Variants in ANK1 observed in about 807,000 individuals in gnomAD.
The protein encoded by ANK1 is ankyrin 1.
Under a neutral mutation model 210.4 loss-of-function variants are expected in ANK1, and 51 were observed. The ratio of observed to expected loss-of-function variants is 0.24; its 90% CI spans 0.19 to 0.31. The LOEUF is 0.31. Ranked by LOEUF, ANK1 falls within the 10% of genes least tolerant of loss-of-function variation. ANK1 has a pLI of 1.00. For synonymous variants in ANK1, 967 were observed against 1,025.9 expected, an observed-to-expected ratio of 0.94 and a Z score of 1.10; for missense variants, 2,051 against 2,504.4, an observed-to-expected ratio of 0.82 and a Z score of 3.86.
chr8:41,669,706 G>A (rs565084941), intron 38 of ANK1, among the ~76,000 whole-genome samples: 36 of 152,134 alleles, frequency 2.4e-4, no homozygotes, highest in Non-Finnish European at 5.3e-4. Context: ...AGATGCTTCT[G>A]AAATATGCCC....
chr8:41,714,007 T>C (rs1826899599), intron 16 of ANK1, 149 bp downstream of exon 16: 1 of 483,154 alleles, frequency 2.1e-6, no homozygotes, highest in Non-Finnish European at 3.3e-6. Flanking sequence ...GCAGGTAACA[T>C]GTGGGAAAGT....
At chr8:41,885,517 C>T (rs1470538550) in intron 1 of ANK1, among the ~76,000 whole-genome samples, 2 of 152,194 alleles carry the variant, frequency 1.3e-5, no homozygotes, top group African/African-American at 2.4e-5. Context: ...TGCTCCATGT[C>T]GGCGGACAGG....
At chr8:41,804,357 C>T (rs1215059805) in intron 1 of ANK1, among the ~76,000 whole-genome samples, 1 of 152,244 alleles carries the variant, frequency 6.6e-6, no homozygotes, top group Non-Finnish European at 1.5e-5. Flanking sequence ...CATATCATCA[C>T]TTCTGCCACA....
At chr8:41,753,422 C>T (rs1838283141) in intron 2 of ANK1, among the ~76,000 whole-genome samples, 1 of 152,116 alleles carries the variant, frequency 6.6e-6, no homozygotes, top group African/African-American at 2.4e-5. Flanking sequence ...CCCCCTCCCC[C>T]AGACCCCTTC....
rs78850893 is a variant in ANK1 at position 41,704,511 on chromosome 8, G to C, written c.2098-39C>G. 6,278 of 1,547,890 alleles carry C rather than the reference G, an allele frequency of 4.1e-3. 190 individuals are homozygous for C. The African/African-American group carries it at 0.069, about 17-fold the overall frequency. ...GAGAAGGAGTGACCGGAGCTGTCCT[G>C]AGCTGGGCATCACATGAAATCCTTC... is the stretch of plus-strand genomic sequence containing the variant. On this transcript the variant is annotated intron_variant, in intron 18 of 42. Transcript: ENST00000289734. This position sits in a 1 kb window ranked among gnomAD's most constrained non-coding sequence, Gnocchi z 4.1.
chr8:41,690,625 G>A, intron 31 of ANK1, 26 bp from the exon 32 acceptor site: 1 of 1,607,600 alleles, frequency 6.2e-7, no homozygotes, highest in Non-Finnish European at 8.5e-7. Context: ...AGCAGATACA[G>A]CTTGTCAGGG....
rs1052490600 is a variant in ANK1 at position 41,888,221 on chromosome 8, C to T, written c.126+8134G>A. ...AGGACTCACCATCTTCCTCCTAACC[C>T]GTCCCCCTCCTCTTTCCCAAGCTCA... On this transcript the variant is annotated intron_variant, in intron 1 of 42. Transcript: ENST00000265709. 2.6e-5 allele frequency among the ~76,000 whole-genome samples: 4 copies of T among 152,224 alleles called. 1 individual carries two copies. Among genetic ancestry groups the T allele is most frequent in the Admixed American group, 6.5e-5 (1 of 15,290 alleles).
At chr8:41,896,457 C>T (rs764476215) in exon 1 of ANK1, 1 of 1,604,888 alleles carries the variant, frequency 6.2e-7, no homozygotes, top group Admixed American at 1.7e-5. Context: ...TGATTTTCTT[C>T]AGCTGTTTGG....
chr8:41,719,271 C>T (rs935419115), intron 10 of ANK1, among the ~76,000 whole-genome samples: 3 of 152,194 alleles, frequency 2.0e-5, no homozygotes, highest in African/African-American at 7.2e-5. Context: ...CTGGCCATCT[C>T]ATTCATCCCC....
Position 41,787,040 on chromosome 8 carries a change from T to A in ANK1, c.27+10472A>T, listed in dbSNP as rs149575108. Among the ~76,000 whole-genome samples, 282 of 152,290 alleles carry A rather than the reference T, an allele frequency of 1.9e-3. 2 individuals are homozygous for A. The highest frequency in any genetic ancestry group is 6.5e-3 in the African/African-American group (269 of 41,560). ...ATTCATTTTTCCACTCCACATGTAT[T>A]TATTTAGTGCCAGAGACGTCCCAAA... On this transcript the variant is annotated intron_variant, in intron 1 of 42. Coordinates refer to ENST00000289734, the MANE Select transcript of ANK1 (RefSeq NM_000037.4).
At chr8:41,775,670 A>G (rs1843867889) in intron 1 of ANK1, among the ~76,000 whole-genome samples, 2 of 152,210 alleles carry the variant, frequency 1.3e-5, no homozygotes, top group South Asian at 2.1e-4. Context: ...ACTTGAGGCC[A>G]GGAATTTGAG....
At chr8:41,780,683 CAT>C (rs745863652) in intron 1 of ANK1, among the ~76,000 whole-genome samples, 7 of 152,226 alleles carry the variant, frequency 4.6e-5, no homozygotes, top group Non-Finnish European at 7.3e-5. Context: ...CATGTGTACA[CAT>C]GTGTGCATGC....
At chr8:41,826,590 T>G (rs1331938700) in intron 1 of ANK1, among the ~76,000 whole-genome samples, 1 of 152,224 alleles carries the variant, frequency 6.6e-6, no homozygotes, top group African/African-American at 2.4e-5. Flanking sequence ...CATTTTCTTT[T>G]CTAGTGATAA....
In ANK1 at chr8:41,845,795, C is replaced by T. The variant is rs57876744; in HGVS notation, c.126+50560G>A. 9.6e-3 allele frequency among the ~76,000 whole-genome samples: 1,464 copies of T among 152,264 alleles called. 35 individuals carry two copies. The highest frequency in any genetic ancestry group is 0.033 in the African/African-American group (1,364 of 41,554). The stretch of plus-strand genomic sequence containing the variant: ...CCCTTCTCCATCTGTTTTTCTCCTT[C>T]CCCTCCTGCTACTTCCATAAACATA... On this transcript the variant is annotated intron_variant, in intron 1 of 42. Transcript: ENST00000265709.
intron 3 of ANK1, 96 bp from the exon 4 acceptor site, chr8:41,728,102 G>A (rs566935750): frequency 5.2e-5 from 65 of 1,242,364 alleles, no homozygotes; most frequent in African/African-American, 8.8e-5. Context: ...TGAGGGACCC[G>A]GGGGCTTTCT....
chr8:41,785,301 A>T (rs899807056), intron 1 of ANK1, among the ~76,000 whole-genome samples: 3 of 152,324 alleles, frequency 2.0e-5, no homozygotes, highest in African/African-American at 7.2e-5. Flanking sequence ...TCAAGGTTAC[A>T]GTGAGCTATG....
rs1402687526 is a variant in ANK1, at chr8:41,852,811, G to C, written c.126+43544C>G. On this transcript the variant is annotated intron_variant, in intron 1 of 42. Transcript: ENST00000265709. ...CAATCCTCTCCCCAACCCGCTGAGTGCCCTGGCCATCAAGTGCCTGGGTTT... is the reference window on the plus strand; with the variant it reads ...CAATCCTCTCCCCAACCCGCTGAGTCCCCTGGCCATCAAGTGCCTGGGTTT... Among the ~76,000 whole-genome samples the C allele has an allele frequency of 2.0e-5, 3 of 152,170 alleles. 1 individual carries two copies. The highest frequency in any genetic ancestry group is 4.4e-5 in the Non-Finnish European group (3 of 68,032).
At chr8:41,873,249 G>A (rs1815910138) in intron 1 of ANK1, among the ~76,000 whole-genome samples, 1 of 152,184 alleles carries the variant, frequency 6.6e-6, no homozygotes, top group Non-Finnish European at 1.5e-5. Context: ...TTATCTCTGT[G>A]TTTTGGGGAC....
intron 1 of ANK1, among the ~76,000 whole-genome samples, chr8:41,823,219 G>C (rs1004066700): frequency 1.3e-5 from 2 of 152,128 alleles, no homozygotes; most frequent in Non-Finnish European, 2.9e-5. Flanking sequence ...GCGGGTAGCT[G>C]AAGATAGAAT....
Sources: allele counts gnomAD v4.1 joint callset (sites outside exome capture counted in the v4.1 genomes callset), GRCh38; gene constraint gnomAD v4.1.1; non-coding constraint Gnocchi (gnomAD v3.1); transcripts MANE v1.5; gene names NCBI Gene and HGNC (gene_info 2026-07-23, HGNC 2026-07-21).